Variants in PARP8 observed in about 807,000 individuals in gnomAD.
PARP8 encodes poly(ADP-ribose) polymerase family member 8.
Under a neutral mutation model 124.1 loss-of-function variants are expected in PARP8, and 51 were observed. That is an observed-to-expected ratio of 0.41 (90% CI 0.33 to 0.52). The LOEUF (loss-of-function observed/expected upper bound fraction) is 0.52, where lower values mean the gene tolerates loss of function less well. Among genes scored for constraint, PARP8 ranks in the 20% least tolerant of loss-of-function variants. The pLI, the probability that PARP8 is intolerant of heterozygous loss-of-function variation, is 0.21. For synonymous variants in PARP8, 391 were observed against 361.5 expected (o/e 1.08, Z -0.93); for missense variants, 860 against 1,018.9 (o/e 0.84, Z 2.12).
chr5:50,720,220 G>A (rs1028682125), intron 2 of PARP8, among the ~76,000 whole-genome samples: 1 of 152,094 alleles, frequency 6.6e-6, no homozygotes, highest in African/African-American at 2.4e-5. Context: ...ACTCGCGGCA[G>A]CAGTTTGCAT....
chr5:50,812,621 G>T (rs1371466032), intron 14 of PARP8, among the ~76,000 whole-genome samples: 29 of 151,192 alleles, frequency 1.9e-4, no homozygotes, highest in Admixed American at 1.7e-3. Flanking sequence ...GTCAATTTTG[G>T]CTTTTGTTGC....
At chr5:50,730,308 G>C (rs1319122901) in intron 2 of PARP8, among the ~76,000 whole-genome samples, 1 of 152,130 alleles carries the variant, frequency 6.6e-6, no homozygotes, top group East Asian at 1.9e-4. Context: ...ATAAAGGAAA[G>C]AGGTTTAATT....
intron 7 of PARP8, among the ~76,000 whole-genome samples, chr5:50,770,539 A>AAG (rs546803156): frequency 1.3e-5 from 2 of 151,316 alleles, no homozygotes; most frequent in South Asian, 4.2e-4. Context: ...AAAAGAGAGA[A>AAG]AGAGAGAGAG....
At position 50,795,177 on chromosome 5, in the gene PARP8, G is replaced by A. The variant is rs147610010; in HGVS notation, c.1188G>A (p.Glu396=). The A allele has an allele frequency of 5.7e-5, 92 of 1,614,170 alleles. No homozygotes were observed. The East Asian group carries it at 2.0e-3, about 35-fold the overall frequency. ...TRSCSGDPRC[E]HNTNLKPHKL... ...CTTGTTCTGGAGATCCACGATGTGA[G>A]CACAACACAAACTTGAAGCCCCATA... The change falls in exon 12 of 26, where the codon GAG becomes GAA. Residue 396 remains glutamate (E), a synonymous_variant. Transcript: ENST00000281631.
intron 2 of PARP8, among the ~76,000 whole-genome samples, chr5:50,692,231 T>C (rs1191206527): frequency 6.6e-6 from 1 of 152,190 alleles, no homozygotes; most frequent in African/African-American, 2.4e-5. Flanking sequence ...CAAAAGTGTC[T>C]TCGTGATCTG....
At chr5:50,780,121 A>G (rs1459332535) in intron 9 of PARP8, among the ~76,000 whole-genome samples, 7 of 152,176 alleles carry the variant, frequency 4.6e-5, no homozygotes, top group East Asian at 1.9e-4. Context: ...AAAGTTGACA[A>G]TGAATTTTAT....
chr5:50,701,684 G>A (rs1329923701), intron 2 of PARP8, among the ~76,000 whole-genome samples: 1 of 152,102 alleles, frequency 6.6e-6, no homozygotes, highest in East Asian at 1.9e-4. Flanking sequence ...TAAATAATGT[G>A]TTGATTAATA....
At chr5:50,703,584 C>A (rs765531960) in intron 2 of PARP8, among the ~76,000 whole-genome samples, 2 of 152,100 alleles carry the variant, frequency 1.3e-5, no homozygotes, top group African/African-American at 4.8e-5. Context: ...CCTCTATTCT[C>A]GCTTGGGAGA....
chr5:50,742,001 G>T (rs1329026555), intron 2 of PARP8: 1 of 324,576 alleles, frequency 3.1e-6, no homozygotes, highest in Non-Finnish European at 6.0e-6. Flanking sequence ...GTAGAGACAG[G>T]GTTTTGCCAT....
upstream of PARP8, chr5:50,666,294 C>G (rs1579865724): frequency 6.6e-6 from 1 of 152,320 alleles, no homozygotes; most frequent in Non-Finnish European, 1.5e-5. Flanking sequence ...ATTTTCTTTT[C>G]CCCCCTTTTC....
chr5:50,764,898 C>T (rs373932181), intron 7 of PARP8, among the ~76,000 whole-genome samples: 8 of 151,242 alleles, frequency 5.3e-5, no homozygotes, highest in African/African-American at 1.7e-4. Flanking sequence ...TCTCGATATA[C>T]ACCAAAATAT....
At chr5:50,674,095 T>C (rs1258959069) in intron 2 of PARP8, among the ~76,000 whole-genome samples, 2 of 152,230 alleles carry the variant, frequency 1.3e-5, no homozygotes, top group African/African-American at 4.8e-5. Flanking sequence ...TGTGTTTTTA[T>C]TAACAAGACT....
rs1235768046 is a variant in PARP8, at chr5:50,733,229, A to T, written c.147-16922A>T. 1.1e-4 allele frequency among the ~76,000 whole-genome samples: 17 copies of T among 151,760 alleles called. No individual in the cohort carries two copies. The East Asian group carries it at 3.4e-3, about 30-fold the overall frequency. ...GAATTGCTTGAACCAGGGAGGTGGT[A>T]GTTGCAGTGAGCCGAGATCGCGCCA... is the stretch of plus-strand genomic sequence containing the variant. On this transcript the variant is annotated intron_variant, in intron 2 of 25. Transcript: ENST00000281631.
intron 3 of PARP8, 65 bp downstream of exon 3, chr5:50,750,253 G>C: frequency 7.4e-7 from 1 of 1,344,424 alleles, no homozygotes; most frequent in African/African-American, 1.5e-5. Flanking sequence ...TTTTTCTTCT[G>C]GAGATGTAAA....
intron 2 of PARP8, among the ~76,000 whole-genome samples, chr5:50,702,301 A>T (rs1348269474): frequency 1.3e-5 from 2 of 152,202 alleles, no homozygotes; most frequent in African/African-American, 4.8e-5. Context: ...ATCATGTGAC[A>T]ATAAATAACT....
chr5:50,747,922 G>T (rs541786186), intron 2 of PARP8, among the ~76,000 whole-genome samples: 3 of 151,606 alleles, frequency 2.0e-5, no homozygotes, highest in Non-Finnish European at 4.4e-5. Flanking sequence ...ACAGGCGCCT[G>T]CCACCGCGCC....
intron 2 of PARP8, among the ~76,000 whole-genome samples, chr5:50,696,906 T>G (rs1345699515): frequency 4.6e-5 from 7 of 152,126 alleles, no homozygotes; most frequent in Admixed American, 3.9e-4. Flanking sequence ...GTTCTTGCCT[T>G]GGGTGTTCTT....
intron 2 of PARP8, among the ~76,000 whole-genome samples, chr5:50,747,435 CTG>C (rs1315678107): frequency 3.3e-5 from 5 of 151,668 alleles, no homozygotes; most frequent in Non-Finnish European, 5.9e-5. Flanking sequence ...TTCAAATATT[CTG>C]TGTTTTTAAT....
chr5:50,831,306 T>C (rs969584294), intron 22 of PARP8, among the ~76,000 whole-genome samples: 6 of 152,280 alleles, frequency 3.9e-5, no homozygotes, highest in African/African-American at 1.4e-4. Flanking sequence ...GAATCTAGGA[T>C]GGGACCTGGC....
Sources: allele counts gnomAD v4.1 joint callset (sites outside exome capture counted in the v4.1 genomes callset), GRCh38; gene constraint gnomAD v4.1.1; transcripts MANE v1.5; gene names NCBI Gene and HGNC (gene_info 2026-07-23, HGNC 2026-07-21).